CSMD3: variants seen among roughly 807,000 people sequenced by gnomAD.
The protein encoded by CSMD3 is CUB and sushi domain-containing protein 3.
A neutral mutation model predicts 435.2 loss-of-function variants in CSMD3; 177 were observed. The observed-to-expected ratio is 0.41, with a 90% CI of 0.36 to 0.46. The LOEUF (loss-of-function observed/expected upper bound fraction) is 0.46, where lower values mean the gene tolerates loss of function less well. Ranked by LOEUF, CSMD3 falls within the 20% of genes least tolerant of loss-of-function variation. The pLI is 0.34. For synonymous variants in CSMD3, 1,656 were observed against 1,520.5 expected, an observed-to-expected ratio of 1.09 and a Z score of -2.07; for missense variants, 4,265 against 4,504.6, an observed-to-expected ratio of 0.95 and a Z score of 1.52.
chr8:113,357,231 A>G (rs1371412849), intron 1 of CSMD3, among the ~76,000 whole-genome samples: 1 of 152,198 alleles, frequency 6.6e-6, no homozygotes, highest in Non-Finnish European at 1.5e-5. Flanking sequence ...GCTTTGGATT[A>G]TATTGTTTAG....
intron 13 of CSMD3, among the ~76,000 whole-genome samples, chr8:112,707,813 T>C (rs572995967): frequency 5.3e-5 from 8 of 152,230 alleles, no homozygotes; most frequent in African/African-American, 1.2e-4. Context: ...TTATAAATTC[T>C]AGAAAGAACT....
chr8:112,992,397 A>T (rs1373959966), intron 6 of CSMD3, among the ~76,000 whole-genome samples: 2 of 151,820 alleles, frequency 1.3e-5, no homozygotes, highest in African/African-American at 4.8e-5. Flanking sequence ...AAATGTTAGT[A>T]CATGAAGACA....
intron 1 of CSMD3, among the ~76,000 whole-genome samples, chr8:113,387,512 T>C (rs1322902365): frequency 1.3e-5 from 2 of 151,782 alleles, no homozygotes; most frequent in South Asian, 2.1e-4. Flanking sequence ...AATTTTATGA[T>C]TGCAGTGAAG....
intron 10 of CSMD3, among the ~76,000 whole-genome samples, chr8:112,903,175 A>AAAG (rs1481506572): frequency 6.7e-6 from 1 of 148,368 alleles, no homozygotes. Flanking sequence ...AAAAAAAAAA[A>AAAG]GAAAAGAAAA....
intron 18 of CSMD3, among the ~76,000 whole-genome samples, chr8:112,655,008 T>C (rs966363959): frequency 1.3e-5 from 2 of 152,202 alleles, no homozygotes; most frequent in Non-Finnish European, 2.9e-5. Context: ...TGCATTCTCT[T>C]ATTGCATTTT....
At chr8:112,411,627 T>C (rs1467120221) in intron 32 of CSMD3, among the ~76,000 whole-genome samples, 3 of 152,076 alleles carry the variant, frequency 2.0e-5, no homozygotes, top group South Asian at 2.1e-4. Flanking sequence ...CCACACATTA[T>C]CATATTAGCT....
rs2130029556 is a variant in CSMD3, at chr8:112,406,706, G to A, written c.5627C>T (p.Thr1876Ile). The A allele has an allele frequency of 3.1e-6, 5 of 1,604,178 alleles. No homozygotes were observed. Among genetic ancestry groups the A allele is most frequent in the Non-Finnish European group, 4.3e-6 (5 of 1,173,148 alleles). The part of the protein sequence containing the change: ...VYQAVPRTSS[T>I]QCSSVPEPRF... ...TGGTTCAGGCACAGAACTGCATTGT[G>A]TAGAACTTGTTCTAGGAACAGCTGT... The change falls in exon 35 of 71, where the codon ACA (threonine) becomes ATA (isoleucine). Residue 1876 changes from threonine to isoleucine, a missense_variant. Around this residue, in one of 3 missense-constraint regions of CSMD3, gnomAD observed 3,255 missense variants for 3,380.2 expected, o/e 0.96. Transcript: ENST00000297405.
At chr8:112,310,559 T>G (rs1821879261) in intron 50 of CSMD3, 1 of 238,094 alleles carries the variant, frequency 4.2e-6, no homozygotes, top group South Asian at 5.8e-5. Context: ...TCTCTTAAAT[T>G]TGTTGCTGTG....
At chr8:112,834,687 T>C (rs1225545691) in intron 11 of CSMD3, among the ~76,000 whole-genome samples, 1 of 151,690 alleles carries the variant, frequency 6.6e-6, no homozygotes, top group African/African-American at 2.4e-5. Context: ...TTTTGTATAA[T>C]ATAGAAAAGT....
intron 5 of CSMD3, among the ~76,000 whole-genome samples, chr8:113,072,948 C>T (rs1446430867): frequency 6.6e-6 from 1 of 151,586 alleles, no homozygotes; most frequent in Non-Finnish European, 1.5e-5. Flanking sequence ...TCAACAATAA[C>T]AATGATTCTT....
At chr8:112,903,151 C>CA (rs763330055) in intron 10 of CSMD3, among the ~76,000 whole-genome samples, 3,396 of 53,498 alleles carry the variant, frequency 0.063, 447 homozygotes, top group African/African-American at 0.16. Flanking sequence ...GCAGTCTTGG[C>CA]AAAAAAAAAA....
At chr8:112,893,556 G>T (rs993289860) in intron 10 of CSMD3, among the ~76,000 whole-genome samples, 2 of 151,444 alleles carry the variant, frequency 1.3e-5, no homozygotes, top group Non-Finnish European at 1.5e-5. Context: ...AGGTCACTTG[G>T]TCAGGAAGTG....
chr8:112,272,228 A>G (rs1228428476), intron 59 of CSMD3, among the ~76,000 whole-genome samples: 1 of 152,182 alleles, frequency 6.6e-6, no homozygotes, highest in Non-Finnish European at 1.5e-5. Flanking sequence ...ATAGCAGCAC[A>G]AATAGACTAA....
intron 4 of CSMD3, among the ~76,000 whole-genome samples, chr8:113,100,682 C>A (rs148231903): frequency 6.6e-6 from 1 of 152,064 alleles, no homozygotes; most frequent in African/African-American, 2.4e-5. Flanking sequence ...GTAAGGCATA[C>A]GTTAATTAGC....
intron 1 of CSMD3, among the ~76,000 whole-genome samples, chr8:113,362,671 G>A (rs965338619): frequency 3.3e-5 from 5 of 152,244 alleles, no homozygotes; most frequent in Admixed American, 2.0e-4. Context: ...TGCACCTCTT[G>A]TGTACTCTTG....
At chr8:112,320,073 A>T (rs1229476498) in intron 45 of CSMD3, 92 bp from the exon 46 acceptor site, 4 of 782,356 alleles carry the variant, frequency 5.1e-6, no homozygotes, top group South Asian at 1.5e-5. Context: ...AAAGTTGTTT[A>T]AAAAAATAAA....
At chr8:112,703,350 A>C (rs1328132450) in intron 13 of CSMD3, among the ~76,000 whole-genome samples, 4 of 152,198 alleles carry the variant, frequency 2.6e-5, no homozygotes, top group Non-Finnish European at 4.4e-5. Context: ...AAATAAAAGC[A>C]GAGCAGTCAG....
intron 22 of CSMD3, among the ~76,000 whole-genome samples, chr8:112,587,911 A>G (rs1217773174): frequency 2.0e-5 from 3 of 151,862 alleles, no homozygotes; most frequent in Non-Finnish European, 4.4e-5. Flanking sequence ...AACCTTCAGG[A>G]CTAATTTTGC....
chr8:112,305,886 C>G lies in CSMD3; in HGVS notation c.8071+121G>C, dbSNP rs1274371463. 10 of 840,178 alleles carry G rather than the reference C, an allele frequency of 1.2e-5. No individual in the cohort carries two copies. In the African/African-American group the frequency reaches 1.7e-4, roughly 14 times the overall value. 52.0% of individuals were successfully genotyped at this position (840,178 alleles called of 1,614,324 possible). A position where few individuals can be genotyped will look rare whatever the true frequency, so the allele number is the denominator to read the frequency against. On this transcript the variant is annotated intron_variant, in intron 51 of 70. Coordinates refer to ENST00000297405, the MANE Select transcript of CSMD3 (RefSeq NM_198123.2). ...AAGATAGCTTACTTAACTTTTATTTCTGACTTAGACATCACATTTCAGTTT... is the reference window on the plus strand; with the variant it reads ...AAGATAGCTTACTTAACTTTTATTTGTGACTTAGACATCACATTTCAGTTT...
Sources: gnomAD v4.1 joint callset for allele counts (sites outside exome capture counted in the v4.1 genomes callset) on GRCh38, gnomAD v4.1.1 for gene constraint, gnomAD v4.1.1 regional missense constraint, MANE v1.5 for transcripts, NCBI Gene and HGNC (gene_info 2026-07-23, HGNC 2026-07-21) for gene names.